The following BBS1 variants were observed in gnomAD, a reference collection of about 807,000 sequenced individuals.
BBS1 encodes Bardet-Biedl syndrome 1, also known as BBSome complex member BBS1.
A neutral mutation model predicts 73.9 loss-of-function variants in BBS1; 60 were observed. The observed-to-expected ratio is 0.81, with a 90% CI of 0.66 to 1.01. The LOEUF is 1.01. Among genes scored for constraint, BBS1 ranks in the 50% least tolerant of loss-of-function variants. The pLI is 0.00. For synonymous variants in BBS1, 283 were observed against 317.4 expected (o/e 0.89, Z 1.15); for missense variants, 718 against 770.3 (o/e 0.93, Z 0.80).
At chr11:66,518,236 C>T (rs1383955381) in intron 7 of BBS1, among the ~76,000 whole-genome samples, 2 of 151,658 alleles carry the variant, frequency 1.3e-5, no homozygotes, top group South Asian at 2.1e-4. Context: ...GGATTACAGG[C>T]GTGAACCACC....
chr11:66,523,198 G>A, intron 9 of BBS1: 1 of 610,120 alleles, frequency 1.6e-6, no homozygotes, highest in Non-Finnish European at 3.1e-6. Context: ...CCATAGTGAA[G>A]GTGGGCGGAA....
intron 13 of BBS1, among the ~76,000 whole-genome samples, chr11:66,528,308 A>G (rs1441432868): frequency 6.6e-6 from 1 of 152,234 alleles, no homozygotes; most frequent in African/African-American, 2.4e-5. Flanking sequence ...AAGTGGAGAG[A>G]GTTACCAAGT....
chr11:66,526,760 C>G lies in BBS1; in HGVS notation c.1292C>G (p.Thr431Ser). 1 of 1,614,252 alleles carries G rather than the reference C, an allele frequency of 6.2e-7. No individual in the cohort carries two copies. The highest frequency in any genetic ancestry group is 1.3e-5 in the African/African-American group (1 of 75,070). ...QAMKLNVPRK[T>S]RLYVDQTLRE... ...ATGAAACTCAATGTGCCCCGAAAGA[C>G]CCGGCTTTACGTGGATCAGACACTG... Residue 431 changes from threonine (T) to serine (S), a missense_variant, in exon 13 of 17, where the codon ACC becomes AGC. Transcript: ENST00000318312.
In BBS1 at chr11:66,511,311, T is replaced by G. The variant is rs949330163; in HGVS notation, c.159+72T>G. The G allele has an allele frequency of 1.4e-5, 21 of 1,554,082 alleles. No homozygotes were observed. The African/African-American group carries it at 2.7e-4, about 20-fold the overall frequency. ...CCCAGAAATGAGATTTCCTGACGGC[T>G]GAAAATAGGCCCAGCATACTCTGGA... On this transcript the variant is annotated intron_variant, in intron 3 of 16. Coordinates refer to ENST00000318312, the MANE Select transcript of BBS1 (RefSeq NM_024649.5).
chr11:66,517,685 C>G (rs963510343), intron 7 of BBS1, among the ~76,000 whole-genome samples: 2 of 151,936 alleles, frequency 1.3e-5, no homozygotes, highest in African/African-American at 4.8e-5. Context: ...CCAGGATGGT[C>G]TCGATCTCTT....
chr11:66,521,600 G>A, intron 9 of BBS1: 3 of 553,312 alleles, frequency 5.4e-6, no homozygotes, highest in Non-Finnish European at 9.7e-6. Flanking sequence ...CTATAGTACA[G>A]GAGTGATCAG....
chr11:66,515,081 G>A lies in BBS1; in HGVS notation c.432+403G>A, dbSNP rs562816157. Among the ~76,000 whole-genome samples the A allele has an allele frequency of 3.3e-5, 5 of 152,122 alleles. No homozygotes were observed. In the South Asian group the frequency reaches 1.0e-3, roughly 31 times the overall value. On this transcript the variant is annotated intron_variant, in intron 4 of 16. Transcript: ENST00000318312. Reference sequence around the variant, plus strand: ...GATCTACCCACCTCGGCCTCCCAAAGTGTTGGGATTACAGGCATGAACCAC... The same window carrying A: ...GATCTACCCACCTCGGCCTCCCAAAATGTTGGGATTACAGGCATGAACCAC...
In BBS1 at chr11:66,521,314, G is replaced by T. The variant is rs1856205495; in HGVS notation, c.768G>T (p.Gln256His). 1.2e-6 allele frequency: 2 copies of T among 1,614,124 alleles called. No homozygotes were observed. The stretch of plus-strand genomic sequence containing the variant: ...CCGTCTTCCTAGAGGTTTCTGGCCA[G>T]TTTGATGTTGAGTTCCGGCTTGCCG... ...SVPVFLEVSG[Q>H]FDVEFRLAAA... The change falls in exon 9 of 17, where the codon CAG becomes CAT. Residue 256 changes from glutamine (Q) to histidine (H), a missense_variant. Gln to His is a conservative substitution (Grantham distance 24, BLOSUM62 0). Coordinates refer to ENST00000318312, the MANE Select transcript of BBS1 (RefSeq NM_024649.5).
intron 7 of BBS1, among the ~76,000 whole-genome samples, chr11:66,519,059 G>A (rs1183666754): frequency 6.6e-6 from 1 of 152,150 alleles, no homozygotes; most frequent in Non-Finnish European, 1.5e-5. Flanking sequence ...TGCTGAGCCT[G>A]GCCCAAATAT....
In BBS1 at chr11:66,514,572, G is replaced by A; in HGVS notation, c.326G>A (p.Gly109Asp). The change falls in exon 4 of 17, where the codon GGC becomes GAC. Residue 109 changes from glycine (G) to aspartate (D), a missense_variant. Physicochemically the swap from Gly to Asp is moderately conservative, Grantham distance 94. Transcript: ENST00000318312. ...ACCCCAGCTCTGGCACTTGCTTCAG[G>A]CCCTTGTGTCTATGTGTATAAGAAT... ...PRTPALALAS[G>D]PCVYVYKNLR... 6.2e-7 allele frequency: 1 copy of A among 1,614,086 alleles called. No individual in the cohort carries two copies. The highest frequency in any genetic ancestry group is 8.5e-7 in the Non-Finnish European group (1 of 1,180,034).
At chr11:66,517,435 G>A (rs1038848079) in intron 7 of BBS1, among the ~76,000 whole-genome samples, 2 of 150,166 alleles carry the variant, frequency 1.3e-5, no homozygotes, top group Admixed American at 1.3e-4. Flanking sequence ...ACATGTTTTT[G>A]CATTCATGTA....
At chr11:66,520,113 T>C (rs539147777) in intron 8 of BBS1, among the ~76,000 whole-genome samples, 2 of 152,234 alleles carry the variant, frequency 1.3e-5, no homozygotes, top group African/African-American at 2.4e-5. Flanking sequence ...TGAGCTATGA[T>C]TGTGGCACTG....
chr11:66,521,632 G>A (rs962721231), intron 9 of BBS1: 12 of 477,776 alleles, frequency 2.5e-5, no homozygotes, highest in South Asian at 1.4e-4. Context: ...CAGGCTGGGC[G>A]CTGTGGCTCA....
rs577426256 is a variant in BBS1 at position 66,529,863 on chromosome 11, C to T, written c.1384C>T (p.Arg462Cys). Residue 462 changes from arginine to cysteine, a missense_variant, in exon 14 of 17, where the codon CGT becomes TGT. Physicochemically the swap from Arg to Cys is radical, Grantham distance 180. Coordinates refer to ENST00000318312, the MANE Select transcript of BBS1 (RefSeq NM_024649.5). ...FQTDLYLLRL[R>C]AARAYLQALE... ...GACAGACCTATACCTGCTGCGCCTA[C>T]GTGCTGCCCGCGCCTACCTGCAGGC... is the stretch of plus-strand genomic sequence containing the variant. The T allele has an allele frequency of 9.3e-6, 15 of 1,610,612 alleles. No homozygotes were observed. Among genetic ancestry groups the T allele is most frequent in the Admixed American group, 5.0e-5 (3 of 60,034 alleles).
At chr11:66,513,622 C>T (rs757729793) in intron 3 of BBS1, among the ~76,000 whole-genome samples, 20 of 151,990 alleles carry the variant, frequency 1.3e-4, no homozygotes, top group Non-Finnish European at 2.2e-4. Flanking sequence ...GAGGCTGCAG[C>T]GAGCCATGAT....
chr11:66,532,131 TG>T lies in BBS1; in HGVS notation c.*98del. The T allele has an allele frequency of 1.5e-5, 20 of 1,334,202 alleles. No homozygotes were observed. Among genetic ancestry groups the T allele is most frequent in the Non-Finnish European group, 2.0e-5 (19 of 969,450 alleles). 82.6% of individuals were successfully genotyped at this position (1,334,202 alleles called of 1,614,324 possible). A position where few individuals can be genotyped will look rare whatever the true frequency, so the allele number is the denominator to read the frequency against. On this transcript the variant is annotated 3_prime_UTR_variant, in exon 17 of 17. Coordinates refer to ENST00000318312, the MANE Select transcript of BBS1 (RefSeq NM_024649.5). ...GCCCACTCCTCATGCAGCAGTGTGC[TG>T]GGGCGACAGCTCGTCTCCCCTCTCT...
chr11:66,523,918 C>G, intron 11 of BBS1, 36 bp downstream of exon 11: 1 of 1,610,530 alleles, frequency 6.2e-7, no homozygotes, highest in Non-Finnish European at 8.5e-7. Context: ...ACTCACTCCT[C>G]CTTGCCCTCG....
chr11:66,514,819 C>CTTT, intron 4 of BBS1, 141 bp downstream of exon 4: 58 of 721,604 alleles, frequency 8.0e-5, no homozygotes, highest in Non-Finnish European at 1.0e-4. Context: ...AGTGATGGCA[C>CTTT]TTTTTTTTTT....
intron 3 of BBS1, 44 bp downstream of exon 3, chr11:66,511,283 G>A: frequency 6.2e-7 from 1 of 1,605,348 alleles, no homozygotes; most frequent in South Asian, 1.1e-5. Flanking sequence ...GTAGGGGGGT[G>A]TACCCAGAAA....
Sources: allele counts gnomAD v4.1 joint callset (sites outside exome capture counted in the v4.1 genomes callset), GRCh38; gene constraint gnomAD v4.1.1; transcripts MANE v1.5; gene names NCBI Gene and HGNC (gene_info 2026-07-23, HGNC 2026-07-21).